The following WNT11 variants were observed in gnomAD, a reference collection of about 807,000 sequenced individuals.
The protein encoded by WNT11 is Wnt family member 11.
WNT11 carries 20 observed loss-of-function variants against 35.6 expected under a neutral mutation model. That is an observed-to-expected ratio of 0.56 (90% CI 0.40 to 0.82). The LOEUF (loss-of-function observed/expected upper bound fraction) is 0.82, where lower values mean the gene tolerates loss of function less well. Ranked by LOEUF, WNT11 falls within the 40% of genes least tolerant of loss-of-function variation. The pLI is 0.00. For synonymous variants in WNT11, 200 were observed against 211.9 expected (o/e 0.94, Z 0.49); for missense variants, 459 against 504.4 (o/e 0.91, Z 0.86).
rs755738744 is a variant in WNT11, at chr11:76,187,159, C to A, written c.971G>T (p.Arg324Leu). The A allele has an allele frequency of 6.2e-7, 1 of 1,611,710 alleles. No individual in the cohort carries two copies. The highest frequency in any genetic ancestry group is 1.3e-5 in the African/African-American group (1 of 75,046). ...CGRGYNPYTD[R>L]VVERCHCKYH... ...CTTACAGTGGCACCGCTCGACCACG[C>A]GGTCTGTGTAGGGGTTGTAGCCACG... is the stretch of plus-strand genomic sequence containing the variant. Residue 324 changes from arginine to leucine, a missense_variant, in exon 5 of 5, where the codon CGC becomes CTC. Coordinates refer to ENST00000322563, the MANE Select transcript of WNT11 (RefSeq NM_004626.3).
At position 76,186,379 on chromosome 11, in the gene WNT11, T is replaced by C. The variant is rs1291287078; in HGVS notation, c.*686A>G. ...CAGCCCCAGGGTCTGCCGAGTTCAC[T>C]TGACGAGGCCGGGAACTGCAGGGGC... On this transcript the variant is annotated 3_prime_UTR_variant, in exon 5 of 5. Coordinates refer to ENST00000322563, the MANE Select transcript of WNT11 (RefSeq NM_004626.3). 2.0e-5 allele frequency: 3 copies of C among 152,096 alleles called. No homozygotes were observed. The highest frequency in any genetic ancestry group is 4.1e-4 in the South Asian group (2 of 4,830). 9.4% of individuals were successfully genotyped at this position (152,096 alleles called of 1,614,324 possible). A position where few individuals can be genotyped will look rare whatever the true frequency, so the allele number is the denominator to read the frequency against.
upstream of WNT11, among the ~76,000 whole-genome samples, chr11:76,209,455 G>C (rs1953526579): frequency 6.6e-6 from 1 of 152,108 alleles, no homozygotes; most frequent in South Asian, 2.1e-4. Flanking sequence ...ACCGTGCACC[G>C]GGGCCGATTG....
upstream of WNT11, among the ~76,000 whole-genome samples, chr11:76,207,771 C>T (rs531283985): frequency 2.0e-5 from 3 of 152,030 alleles, no homozygotes; most frequent in Admixed American, 6.5e-5. Context: ...GCCCTCGGGC[C>T]GCGGAGGAGA....
intron 3 of WNT11, 87 bp from the exon 4 acceptor site, chr11:76,191,943 G>A: frequency 6.9e-7 from 1 of 1,456,768 alleles, no homozygotes; most frequent in East Asian, 2.4e-5. Flanking sequence ...CCCATGGCTG[G>A]GTGCTCTCAG....
chr11:76,206,916 C>CGAG (rs1953485175), upstream of WNT11: 1 of 152,810 alleles, frequency 6.5e-6, no homozygotes, highest in Non-Finnish European at 1.5e-5. Context: ...GGAGTCCAGG[C>CGAG]GAGGCAGCAG....
upstream of WNT11, among the ~76,000 whole-genome samples, chr11:76,209,367 A>G (rs1953524283): frequency 7.1e-6 from 1 of 140,642 alleles, no homozygotes; most frequent in African/African-American, 2.7e-5. Context: ...AGGACTCTGG[A>G]AAGCCGGCCG....
rs201042075 is a variant in WNT11 at position 76,194,702 on chromosome 11, C to T, written c.462G>A (p.Trp154Ter). The T allele has an allele frequency of 1.3e-6, 2 of 1,550,528 alleles. No individual in the cohort carries two copies. The highest frequency in any genetic ancestry group is 2.4e-5 in the East Asian group (1 of 40,908). Reference protein sequence around the residue: ...PGEPPGPGNRWGGCADNLSYG... With the variant: ...PGEPPGPGNR Reference sequence around the variant, plus strand: ...AGCTGAGGTTGTCCGCACATCCTCCCCAGCGGTTCCCGGGCCCGGGTGGCT... The same window carrying T: ...AGCTGAGGTTGTCCGCACATCCTCCTCAGCGGTTCCCGGGCCCGGGTGGCT... Residue 154 changes from tryptophan to a stop codon, truncating the protein, a stop_gained, in exon 3 of 5, where the codon TGG becomes TGA. Coordinates refer to ENST00000322563, the MANE Select transcript of WNT11 (RefSeq NM_004626.3). LOFTEE classifies it high-confidence loss of function. This position sits in a 1 kb window ranked among gnomAD's most constrained non-coding sequence, Gnocchi z 5.4.
Position 76,186,801 on chromosome 11 carries a change from C to A in WNT11, c.*264G>T. The A allele has an allele frequency of 1.7e-6, 1 of 591,978 alleles. No homozygotes were observed. Among genetic ancestry groups the A allele is most frequent in the Non-Finnish European group, 3.2e-6 (1 of 316,492 alleles). The allele number at this position is 591,978 out of a possible 1,614,324, so 36.7% of individuals were successfully genotyped here. A position where few individuals can be genotyped will look rare whatever the true frequency, so the allele number is the denominator to read the frequency against. ...CGATCCCAAGCCCCGCTCCTTACACCAGCCTGTGGGCACTCCAGAGCCTCA... is the reference window on the plus strand; with the variant it reads ...CGATCCCAAGCCCCGCTCCTTACACAAGCCTGTGGGCACTCCAGAGCCTCA... On this transcript the variant is annotated 3_prime_UTR_variant, in exon 5 of 5. Coordinates refer to ENST00000322563, the MANE Select transcript of WNT11 (RefSeq NM_004626.3).
intron 4 of WNT11, 139 bp downstream of exon 4, chr11:76,191,425 G>A: frequency 9.7e-7 from 1 of 1,026,038 alleles, no homozygotes; most frequent in East Asian, 2.5e-5. Flanking sequence ...TAGCAGTCCT[G>A]GGGCCAACTC....
At chr11:76,200,749 G>T (rs532296579) in intron 1 of WNT11, among the ~76,000 whole-genome samples, 1 of 152,200 alleles carries the variant, frequency 6.6e-6, no homozygotes. Context: ...CTGCTCTGCC[G>T]CTTGCCCTCG....
chr11:76,194,610 G>C lies in WNT11; in HGVS notation c.554C>G (p.Ala185Gly). 17 of 1,550,398 alleles carry C rather than the reference G, an allele frequency of 1.1e-5. No homozygotes were observed. The highest frequency in any genetic ancestry group is 1.5e-5 in the Non-Finnish European group (17 of 1,146,954). ...GTTGTGTAGACGCATCAGTTTATTG[G>C]CTTGGGATCCTGTTTTTTTCACCTT... The part of the protein sequence containing the change: ...PMKVKKTGSQ[A>G]NKLMRLHNSE... Residue 185 changes from alanine (A) to glycine (G), a missense_variant, in exon 3 of 5, where the codon GCC becomes GGC. Coordinates refer to ENST00000322563, the MANE Select transcript of WNT11 (RefSeq NM_004626.3). This position sits in a 1 kb window ranked among gnomAD's most constrained non-coding sequence, Gnocchi z 5.4.
upstream of WNT11, among the ~76,000 whole-genome samples, chr11:76,207,825 T>C (rs1477290835): frequency 1.3e-5 from 2 of 152,082 alleles, no homozygotes; most frequent in Non-Finnish European, 2.9e-5. Context: ...CTATCTCCGC[T>C]TTTTTTCTCC....
rs147240311 is a variant in WNT11, at chr11:76,189,368, C to T, written c.891-2129G>A. 1.4e-3 allele frequency among the ~76,000 whole-genome samples: 201 copies of T among 147,218 alleles called. 1 individual carries two copies. Among genetic ancestry groups the T allele is most frequent in the Non-Finnish European group, 2.2e-3 (144 of 66,484 alleles). ...TGGGGCCATAGGCCCAGGGAAGGGC[C>T]GTTGGATGCCTGGCTCCCAGGGTAC... On this transcript the variant is annotated intron_variant, in intron 4 of 4. Coordinates refer to ENST00000322563, the MANE Select transcript of WNT11 (RefSeq NM_004626.3).
At position 76,186,981 on chromosome 11, in the gene WNT11, T is replaced by A. The variant is rs894747697; in HGVS notation, c.*84A>T. On this transcript the variant is annotated 3_prime_UTR_variant, in exon 5 of 5. Coordinates refer to ENST00000322563, the MANE Select transcript of WNT11 (RefSeq NM_004626.3). ...TCTGGAATTCACAAGCAGAGCTCCA[T>A]GGAGTGTCTCCAGGCCCCTGGCCCC... 9 of 1,584,322 alleles carry A rather than the reference T, an allele frequency of 5.7e-6. No homozygotes were observed. In the Admixed American group the frequency reaches 1.5e-4, roughly 27 times the overall value.
At chr11:76,200,527 CCG>C in intron 1 of WNT11, among the ~76,000 whole-genome samples, 1 of 152,334 alleles carries the variant, frequency 6.6e-6, no homozygotes, top group South Asian at 2.1e-4. Flanking sequence ...ATGGCCCTTC[CCG>C]GTTGACAGAG....
At chr11:76,202,838 TATAG>T (rs1278819056) in intron 1 of WNT11, among the ~76,000 whole-genome samples, 1 of 152,102 alleles carries the variant, frequency 6.6e-6, no homozygotes, top group Non-Finnish European at 1.5e-5. Context: ...GTCCTCACTG[TATAG>T]ATAGAGAAAT....
rs747759946 is a variant in WNT11 at position 76,194,619 on chromosome 11, C to A, written c.545G>T (p.Gly182Val). The A allele has an allele frequency of 6.4e-7, 1 of 1,550,440 alleles. No homozygotes were observed. The highest frequency in any genetic ancestry group is 8.7e-7 in the Non-Finnish European group (1 of 1,146,936). ...ACGCATCAGTTTATTGGCTTGGGAT[C>A]CTGTTTTTTTCACCTTCATAGGAGC... is the stretch of plus-strand genomic sequence containing the variant. ...SDAPMKVKKTGSQANKLMRLH... is the reference protein window; with the variant it reads ...SDAPMKVKKTVSQANKLMRLH... Residue 182 changes from glycine (G) to valine (V), a missense_variant, in exon 3 of 5, where the codon GGA (glycine) becomes GTA (valine). By Grantham distance (109) the Gly-to-Val change is moderately radical. Transcript: ENST00000322563. The surrounding 1 kb of genome is among the most constrained non-coding windows in gnomAD (Gnocchi z 5.4).
At chr11:76,188,403 G>A (rs904405918) in intron 4 of WNT11, among the ~76,000 whole-genome samples, 1 of 152,256 alleles carries the variant, frequency 6.6e-6, no homozygotes, top group South Asian at 2.1e-4. Context: ...TGTGGGATGC[G>A]AAGACATTGA....
In WNT11 at chr11:76,191,681, AGGTGCTTGCGGGTGCCCATGGGTC is replaced by A; in HGVS notation, c.749_772del (p.Arg250_His257del). ...CCGGATATCCAGGTCCTTGGGCACC[AGGTGCTTGCGGGTGCCCATGGGTC>A]GGTGCACTACCTTGGTGGCCGACAG... On this transcript the variant is annotated inframe_deletion, in exon 4 of 5. Coordinates refer to ENST00000322563, the MANE Select transcript of WNT11 (RefSeq NM_004626.3). 1 of 1,614,056 alleles carries A rather than the reference AGGTGCTTGCGGGTGCCCATGGGTC, an allele frequency of 6.2e-7. No homozygotes were observed. The highest frequency in any genetic ancestry group is 8.5e-7 in the Non-Finnish European group (1 of 1,180,048).
Sources: gnomAD v4.1 joint callset for allele counts (sites outside exome capture counted in the v4.1 genomes callset) on GRCh38, gnomAD v4.1.1 for gene constraint, Gnocchi (gnomAD v3.1) non-coding constraint, MANE v1.5 for transcripts, NCBI Gene and HGNC (gene_info 2026-07-23, HGNC 2026-07-21) for gene names.